Variants in FAM149B1 observed in about 807,000 individuals in gnomAD.
The protein encoded by FAM149B1 is family with sequence similarity 149 member B1.
A neutral mutation model predicts 75.3 loss-of-function variants in FAM149B1; 56 were observed. That is an observed-to-expected ratio of 0.74 (90% CI 0.60 to 0.93). The LOEUF is 0.93. Ranked by LOEUF, FAM149B1 falls within the 40% of genes least tolerant of loss-of-function variation. The pLI is 0.00. For synonymous variants in FAM149B1, 259 were observed against 256.1 expected, an observed-to-expected ratio of 1.01 and a Z score of -0.11; for missense variants, 639 against 708.4, an observed-to-expected ratio of 0.90 and a Z score of 1.11.
At position 73,168,220 on chromosome 10, in the gene FAM149B1, C is replaced by T. The variant is rs961554103; in HGVS notation, c.-120C>T. ...TCTAGGTGACGGGGCGAGACGGGGC[C>T]GGTAGGTGGCGGGAGGGGCCGGGCC... On this transcript the variant is annotated 5_prime_UTR_variant, in exon 1 of 14. Transcript: ENST00000242505. 1.5e-5 allele frequency: 16 copies of T among 1,057,056 alleles called. No individual in the cohort carries two copies. The highest frequency in any genetic ancestry group is 1.3e-4 in the African/African-American group (8 of 59,976). 65.5% of individuals were successfully genotyped at this position (1,057,056 alleles called of 1,614,324 possible).
At chr10:73,196,962 A>T (rs757221859) in intron 5 of FAM149B1, among the ~76,000 whole-genome samples, 2 of 152,208 alleles carry the variant, frequency 1.3e-5, no homozygotes, top group Non-Finnish European at 2.9e-5. Flanking sequence ...CAGTGCCTGT[A>T]ACATGGTTAG....
In FAM149B1 at chr10:73,240,708, C is replaced by T. The variant is rs539127291; in HGVS notation, c.1676-238C>T. ...AGCCTGGGGGGACAGAGTGAGACTC[C>T]ACCTCCAAAAAAAAAAAAAAACCTC... On this transcript the variant is annotated intron_variant, in intron 13 of 13. Coordinates refer to ENST00000242505, the MANE Select transcript of FAM149B1 (RefSeq NM_173348.2). 2.8e-3 allele frequency among the ~76,000 whole-genome samples: 410 copies of T among 147,904 alleles called. 1 individual carries two copies. The highest frequency in any genetic ancestry group is 9.9e-3 in the African/African-American group (393 of 39,826).
chr10:73,182,646 G>A (rs2042426682), intron 3 of FAM149B1, among the ~76,000 whole-genome samples: 1 of 152,210 alleles, frequency 6.6e-6, no homozygotes, highest in Admixed American at 6.5e-5. Context: ...AAAGGCTCAT[G>A]TAGAGAGGAA....
intron 7 of FAM149B1, among the ~76,000 whole-genome samples, chr10:73,224,102 G>A (rs748778849): frequency 6.6e-6 from 1 of 152,172 alleles, no homozygotes; most frequent in Non-Finnish European, 1.5e-5. Context: ...TGGAGCTGGA[G>A]GATCTCTAAT....
chr10:73,230,402 T>C lies in FAM149B1; in HGVS notation c.1024-20T>C, dbSNP rs1206760238. 5 of 1,336,562 alleles carry C rather than the reference T, an allele frequency of 3.7e-6. No homozygotes were observed. The highest frequency in any genetic ancestry group is 1.5e-5 in the African/African-American group (1 of 68,772). The allele number at this position is 1,336,562 out of a possible 1,614,324, so 82.8% of individuals were successfully genotyped here. A position where few individuals can be genotyped will look rare whatever the true frequency, so the allele number is the denominator to read the frequency against. On this transcript the variant is annotated intron_variant, in intron 8 of 13. Transcript: ENST00000242505. Reference sequence around the variant, plus strand: ...ATCTTCTCCAACCGATCAAGAGTACTGTCTTCTTTCAACACGTAGATGAGT... The same window carrying C: ...ATCTTCTCCAACCGATCAAGAGTACCGTCTTCTTTCAACACGTAGATGAGT...
Position 73,227,969 on chromosome 10 carries a change from T to C in FAM149B1, c.899-91T>C, listed in dbSNP as rs1277063024. On this transcript the variant is annotated intron_variant, in intron 7 of 13. Transcript: ENST00000242505. ...AGATAAGTGAAGCCTTGTTTGAGAT[T>C]ATGAATTCTCAGGAGAGATCTTTTT... 9 of 1,296,970 alleles carry C rather than the reference T, an allele frequency of 6.9e-6. No individual in the cohort carries two copies. In the African/African-American group the frequency reaches 1.0e-4, roughly 15 times the overall value. The allele number at this position is 1,296,970 out of a possible 1,614,324, so 80.3% of individuals were successfully genotyped here.
chr10:73,208,272 C>G lies in FAM149B1; in HGVS notation c.543-347C>G, dbSNP rs545125670. On this transcript the variant is annotated intron_variant, in intron 5 of 13. Transcript: ENST00000242505. ...AGCAGATGCCAGCACTATGCTTCTACAGCCTCCAGAACTGTGAGCCTATTA... is the reference window on the plus strand; with the variant it reads ...AGCAGATGCCAGCACTATGCTTCTAGAGCCTCCAGAACTGTGAGCCTATTA... 2.0e-5 allele frequency among the ~76,000 whole-genome samples: 3 copies of G among 152,384 alleles called. No homozygotes were observed. In the South Asian group the frequency reaches 6.2e-4, roughly 32 times the overall value.
intron 7 of FAM149B1, among the ~76,000 whole-genome samples, chr10:73,221,609 G>A (rs1300825652): frequency 6.6e-6 from 1 of 151,912 alleles, no homozygotes; most frequent in Non-Finnish European, 1.5e-5. Context: ...ACTATGATGT[G>A]CCTTAATGTA....
intron 4 of FAM149B1, among the ~76,000 whole-genome samples, chr10:73,193,214 A>C (rs952393388): frequency 6.6e-6 from 1 of 152,190 alleles, no homozygotes; most frequent in African/African-American, 2.4e-5. Context: ...TAGAGCATGA[A>C]GGGCAGATTA....
intron 7 of FAM149B1, among the ~76,000 whole-genome samples, chr10:73,227,726 A>ATAGCTATAG (rs1293025953): frequency 2.0e-5 from 3 of 152,130 alleles, no homozygotes; most frequent in Admixed American, 2.0e-4. Context: ...TGAGTGCTCT[A>ATAGCTATAG]TAGCTATAGG....
intron 5 of FAM149B1, among the ~76,000 whole-genome samples, chr10:73,203,341 G>A (rs1228260363): frequency 6.6e-6 from 1 of 152,134 alleles, no homozygotes; most frequent in Non-Finnish European, 1.5e-5. Context: ...AGGTGGATAT[G>A]TTGTTTTCAT....
At chr10:73,175,591 A>G (rs1313367438) in intron 2 of FAM149B1, among the ~76,000 whole-genome samples, 1 of 147,948 alleles carries the variant, frequency 6.8e-6, no homozygotes, top group Non-Finnish European at 1.5e-5. Context: ...AATGGCATGA[A>G]CCCGGGAGGC....
chr10:73,172,513 G>T (rs1843757841), intron 1 of FAM149B1, among the ~76,000 whole-genome samples: 1 of 152,152 alleles, frequency 6.6e-6, no homozygotes, highest in East Asian at 1.9e-4. Flanking sequence ...TGAGATTTAT[G>T]ATAAACATTT....
At position 73,244,236 on chromosome 10, in the gene FAM149B1, CTG is replaced by C; in HGVS notation, c.*3219_*3220del. On this transcript the variant is annotated 3_prime_UTR_variant, in exon 14 of 14. Coordinates refer to ENST00000242505, the MANE Select transcript of FAM149B1 (RefSeq NM_173348.2). The stretch of plus-strand genomic sequence containing the variant: ...TGAGGCCGGGTATGGTGGCTCACAA[CTG>C]TAATCCCCATACCTTGGGAGGCCAA... 1 of 310,890 alleles carries C rather than the reference CTG, an allele frequency of 3.2e-6. No homozygotes were observed. The highest frequency in any genetic ancestry group is 3.8e-5 in the South Asian group (1 of 26,622). The allele number at this position is 310,890 out of a possible 1,614,324, so 19.3% of individuals were successfully genotyped here.
chr10:73,237,634 C>T (rs1311521001), intron 12 of FAM149B1, among the ~76,000 whole-genome samples: 1 of 152,212 alleles, frequency 6.6e-6, no homozygotes, highest in East Asian at 1.9e-4. Context: ...GTTGCCCAGG[C>T]TGGTCTTGAA....
intron 9 of FAM149B1, 33 bp downstream of exon 9, chr10:73,230,558 G>T (rs1175162359): frequency 1.6e-6 from 2 of 1,220,098 alleles, no homozygotes; most frequent in Non-Finnish European, 2.4e-6. Context: ...ACTATACAGT[G>T]TAAAAGGGAA....
rs779619565 is a variant in FAM149B1, at chr10:73,235,320, T to G, written c.1602+2T>G. ...CCCAACACAACTCAATCATTTTTGG[T>G]AGAGTGACGTACTTCCTAGAATGGT... is the stretch of plus-strand genomic sequence containing the variant. On this transcript the variant is annotated splice_donor_variant, in intron 12 of 13. Coordinates refer to ENST00000242505, the MANE Select transcript of FAM149B1 (RefSeq NM_173348.2). LOFTEE classifies it high-confidence loss of function. 13 of 1,551,784 alleles carry G rather than the reference T, an allele frequency of 8.4e-6. No homozygotes were observed. Among genetic ancestry groups the G allele is most frequent in the South Asian group, 3.6e-5 (3 of 84,050 alleles).
At chr10:73,224,233 C>G (rs2043482600) in intron 7 of FAM149B1, among the ~76,000 whole-genome samples, 1 of 152,152 alleles carries the variant, frequency 6.6e-6, no homozygotes, top group Non-Finnish European at 1.5e-5. Context: ...TGCAACTACT[C>G]AACTCTGCCC....
At chr10:73,175,692 G>T (rs1368322197) in intron 2 of FAM149B1, among the ~76,000 whole-genome samples, 1 of 143,354 alleles carries the variant, frequency 7.0e-6, no homozygotes. Flanking sequence ...AAAAAGAAAA[G>T]AAAAAACATA....
Sources: allele counts gnomAD v4.1 joint callset (sites outside exome capture counted in the v4.1 genomes callset), GRCh38; gene constraint gnomAD v4.1.1; transcripts MANE v1.5; gene names NCBI Gene and HGNC (gene_info 2026-07-23, HGNC 2026-07-21).